The following TSG101 variants were observed in gnomAD, a reference collection of about 807,000 sequenced individuals.
TSG101 encodes the protein tumor susceptibility gene 101 protein.
In TSG101, 19 loss-of-function variants were observed where a neutral mutation model predicts 48.5. That is an observed-to-expected ratio of 0.39 (90% CI 0.27 to 0.58). TSG101 has a LOEUF of 0.58. Among genes scored for constraint, TSG101 ranks in the 20% least tolerant of loss-of-function variants. TSG101 has a pLI of 0.55. For synonymous variants in TSG101, 174 were observed against 169.4 expected (o/e 1.03, Z -0.21); for missense variants, 365 against 484.4 (o/e 0.75, Z 2.31).
At chr11:18,499,462 G>A (rs1421448758) in intron 7 of TSG101, among the ~76,000 whole-genome samples, 1 of 118,198 alleles carries the variant, frequency 8.5e-6, no homozygotes, top group Non-Finnish European at 1.6e-5. Flanking sequence ...CCAGGCTGGA[G>A]TATAGTTGTC....
At chr11:18,493,500 G>A (rs925101189) in intron 7 of TSG101, among the ~76,000 whole-genome samples, 2 of 152,114 alleles carry the variant, frequency 1.3e-5, no homozygotes, top group Admixed American at 6.6e-5. Context: ...ATAACTCAAC[G>A]ATAATTTTTC....
In TSG101 at chr11:18,510,701, G is replaced by T. The variant is rs200200355; in HGVS notation, c.358-1036C>A. Among the ~76,000 whole-genome samples, 7 of 152,090 alleles carry T rather than the reference G, an allele frequency of 4.6e-5. No individual in the cohort carries two copies. In the East Asian group the frequency reaches 9.7e-4, roughly 21 times the overall value. Reference sequence around the variant, plus strand: ...TTTTAAAAATTCTAGGTCTATTCCAGTACTTTCCCCTCCATTTTGTAATCC... The same window carrying T: ...TTTTAAAAATTCTAGGTCTATTCCATTACTTTCCCCTCCATTTTGTAATCC... On this transcript the variant is annotated intron_variant, in intron 4 of 9. Transcript: ENST00000251968.
chr11:18,501,665 C>T (rs1015683186), intron 7 of TSG101, among the ~76,000 whole-genome samples: 3 of 152,246 alleles, frequency 2.0e-5, no homozygotes, highest in Non-Finnish European at 2.9e-5. Context: ...ATTGGTATTT[C>T]GACACAGACT....
rs1472971033 is a variant in TSG101 at position 18,484,062 on chromosome 11, C to G, written c.651G>C (p.Arg217Ser). The G allele has an allele frequency of 6.2e-7, 1 of 1,613,974 alleles. No individual in the cohort carries two copies. ...TGGTGTCCTCGCTGATTGTGCCATC[C>G]CTACTGGGACCTGCAGGAAACAGAG... ...QPPVTTVGPS[R>S]DGTISEDTIR... is the part of the protein sequence containing the mutation. The change falls in exon 8 of 10, where the codon AGG becomes AGC. Residue 217 changes from arginine (R) to serine (S), a missense_variant. Transcript: ENST00000251968.
At chr11:18,525,965 C>CT (rs1323342620) in intron 1 of TSG101, among the ~76,000 whole-genome samples, 8 of 152,196 alleles carry the variant, frequency 5.3e-5, no homozygotes, top group African/African-American at 1.9e-4. Flanking sequence ...CCCAAGCTAA[C>CT]ACGTTGAACT....
At chr11:18,496,384 G>A (rs1305296920) in intron 7 of TSG101, among the ~76,000 whole-genome samples, 1 of 151,338 alleles carries the variant, frequency 6.6e-6, no homozygotes, top group Non-Finnish European at 1.5e-5. Context: ...AGAGATTACA[G>A]TGAGCCGAGA....
chr11:18,487,989 C>T (rs1054289460), intron 7 of TSG101, among the ~76,000 whole-genome samples: 1 of 152,128 alleles, frequency 6.6e-6, no homozygotes, highest in Non-Finnish European at 1.5e-5. Flanking sequence ...GTTTAAAAGA[C>T]ATACACAAAC....
rs550834347 is a variant in TSG101, at chr11:18,481,180, C to G, written c.1083+450G>C. On this transcript the variant is annotated intron_variant, in intron 9 of 9. Coordinates refer to ENST00000251968, the MANE Select transcript of TSG101 (RefSeq NM_006292.4). ...TACAACAGCATTAAGCTTGAGACAA[C>G]TTTCATACAAGAGGGCTTGAAAGGG... 9 of 715,574 alleles carry G rather than the reference C, an allele frequency of 1.3e-5. No individual in the cohort carries two copies. The African/African-American group carries it at 1.5e-4, about 12-fold the overall frequency. The allele number at this position is 715,574 out of a possible 1,614,324, so 44.3% of individuals were successfully genotyped here. A position where few individuals can be genotyped will look rare whatever the true frequency, so the allele number is the denominator to read the frequency against.
At chr11:18,523,491 T>G (rs949020578) in intron 1 of TSG101, among the ~76,000 whole-genome samples, 2 of 152,026 alleles carry the variant, frequency 1.3e-5, no homozygotes, top group South Asian at 4.2e-4. Flanking sequence ...CAATCTTTAT[T>G]TTATTATTTT....
At chr11:18,515,949 G>T in intron 3 of TSG101, 150 bp downstream of exon 3, 2 of 601,314 alleles carry the variant, frequency 3.3e-6, no homozygotes, top group Non-Finnish European at 5.4e-6. Flanking sequence ...AGGTGTTACT[G>T]CCAAATGAAC....
Position 18,508,460 on chromosome 11 carries a change from G to A in TSG101, c.481+1082C>T, listed in dbSNP as rs1012027119. 6.6e-5 allele frequency: 10 copies of A among 152,112 alleles called. No homozygotes were observed. In the East Asian group the frequency reaches 1.6e-3, roughly 24 times the overall value. 9.4% of individuals were successfully genotyped at this position (152,112 alleles called of 1,614,324 possible). ...TCCACCCCCACCTCGGCCTCCCAAA[G>A]TGCTGGGGTTACAGCTACCACACCC... On this transcript the variant is annotated intron_variant, in intron 5 of 9. Coordinates refer to ENST00000251968, the MANE Select transcript of TSG101 (RefSeq NM_006292.4).
At chr11:18,523,271 C>T (rs367793516) in intron 1 of TSG101, among the ~76,000 whole-genome samples, 51 of 152,216 alleles carry the variant, frequency 3.4e-4, no homozygotes, top group African/African-American at 1.1e-3. Context: ...AGATATAAAA[C>T]GGTGACTCAT....
chr11:18,525,250 C>A (rs1302662201), intron 1 of TSG101, among the ~76,000 whole-genome samples: 3 of 151,950 alleles, frequency 2.0e-5, no homozygotes, highest in Admixed American at 1.3e-4. Flanking sequence ...ATTTAAAGAT[C>A]AAAAATGTCA....
intron 7 of TSG101, among the ~76,000 whole-genome samples, chr11:18,495,558 T>C (rs1385579312): frequency 1.3e-5 from 2 of 152,136 alleles, no homozygotes; most frequent in Non-Finnish European, 2.9e-5. Flanking sequence ...TTTTCAGGGA[T>C]CTTGTATGTG....
intron 4 of TSG101, 95 bp from the exon 5 acceptor site, chr11:18,509,760 GA>G: frequency 1.5e-6 from 2 of 1,357,114 alleles, no homozygotes; most frequent in Non-Finnish European, 2.0e-6. Context: ...AACTCAGCTT[GA>G]TAATTTTCTT....
At chr11:18,482,069 G>A (rs948231533) in intron 8 of TSG101, among the ~76,000 whole-genome samples, 200 bp from the exon 9 acceptor site, 11 of 152,292 alleles carry the variant, frequency 7.2e-5, no homozygotes, top group African/African-American at 2.6e-4. Flanking sequence ...GAGTAATGAT[G>A]GAGATATCCT....
At chr11:18,497,563 C>T (rs910209668) in intron 7 of TSG101, among the ~76,000 whole-genome samples, 3 of 152,116 alleles carry the variant, frequency 2.0e-5, no homozygotes, top group African/African-American at 4.8e-5. Context: ...AAAAATGCTT[C>T]GTACCTAATG....
At chr11:18,517,107 C>A (rs1482173000) in intron 2 of TSG101, among the ~76,000 whole-genome samples, 1 of 151,812 alleles carries the variant, frequency 6.6e-6, no homozygotes, top group Admixed American at 6.6e-5. Context: ...AGGCTATCCT[C>A]AAACTCTAGG....
At chr11:18,502,070 G>A (rs149635436) in intron 7 of TSG101, among the ~76,000 whole-genome samples, 30 of 152,278 alleles carry the variant, frequency 2.0e-4, no homozygotes, top group African/African-American at 6.5e-4. Flanking sequence ...TTCAGGTAAC[G>A]CTAATAAGCA....
Sources: gnomAD v4.1 joint callset for allele counts (sites outside exome capture counted in the v4.1 genomes callset) on GRCh38, gnomAD v4.1.1 for gene constraint, MANE v1.5 for transcripts, NCBI Gene and HGNC (gene_info 2026-07-23, HGNC 2026-07-21) for gene names.